The following CSF1R variants were observed in gnomAD, a reference collection of about 807,000 sequenced individuals.
CSF1R encodes the protein colony stimulating factor 1 receptor, also known as macrophage colony-stimulating factor 1 receptor.
In CSF1R, 40 loss-of-function variants were observed where a neutral mutation model predicts 110.0. That is an observed-to-expected ratio of 0.36 (90% CI 0.28 to 0.47). The LOEUF (loss-of-function observed/expected upper bound fraction) is 0.47, where lower values mean the gene tolerates loss of function less well. Ranked by LOEUF, CSF1R falls within the 20% of genes least tolerant of loss-of-function variation. The probability of loss-of-function intolerance (pLI) is 0.99; values close to 1 mark genes in which losing one functional copy is unlikely to be tolerated. For synonymous variants in CSF1R, 523 were observed against 503.4 expected, an observed-to-expected ratio of 1.04 and a Z score of -0.52; for missense variants, 1,052 against 1,253.0, an observed-to-expected ratio of 0.84 and a Z score of 2.42.
intron 3 of CSF1R, 121 bp downstream of exon 3, chr5:150,079,931 G>T: frequency 8.3e-7 from 1 of 1,210,162 alleles, no homozygotes. Context: ...GGGAAGAAGT[G>T]AAAGAAAGAG....
intron 9 of CSF1R, among the ~76,000 whole-genome samples, chr5:150,068,652 CCTGGT>C (rs1757891468): frequency 6.6e-6 from 1 of 152,184 alleles, no homozygotes; most frequent in Non-Finnish European, 1.5e-5. Context: ...AGCGGCCTGG[CCTGGT>C]GCCCAGCCAT....
intron 2 of CSF1R, 23 bp downstream of exon 2, chr5:150,080,744 G>T (rs751205548): frequency 1.2e-5 from 20 of 1,613,618 alleles, no homozygotes; most frequent in Non-Finnish European, 1.5e-5. Flanking sequence ...CAGGCCTCTT[G>T]GGAGGAGGCT....
intron 1 of CSF1R, among the ~76,000 whole-genome samples, chr5:150,108,557 T>C (rs1184624339): frequency 3.3e-5 from 5 of 152,164 alleles, no homozygotes; most frequent in Non-Finnish European, 7.4e-5. Flanking sequence ...ATCACTATGC[T>C]TCAGGAAGAT....
chr5:150,054,281 G>A (rs376324737), intron 20 of CSF1R, 41 bp downstream of exon 20: 265 of 1,613,908 alleles, frequency 1.6e-4, no homozygotes, highest in East Asian at 1.0e-3. Context: ...CCAGCCCAAC[G>A]TGCTTTACCG....
rs1758518041 is a variant in CSF1R, at chr5:150,081,014, G to A, written c.60C>T (p.Ile20=). 1 of 1,613,826 alleles carries A rather than the reference G, an allele frequency of 6.2e-7. No individual in the cohort carries two copies. Among genetic ancestry groups the A allele is most frequent in the South Asian group, 1.1e-5 (1 of 91,078 alleles). ...CAGGGACACTGGGCTCTATCACTGGGATTCCCTGACCTGGTGGGAGAGAGG... is the reference window on the plus strand; with the variant it reads ...CAGGGACACTGGGCTCTATCACTGGAATTCCCTGACCTGGTGGGAGAGAGG... The part of the protein sequence containing the change: ...LVATAWHGQG[I]PVIEPSVPEL... The change falls in exon 2 of 21, where the codon ATC becomes ATT. Residue 20 remains isoleucine (I), a synonymous_variant. Transcript: ENST00000675795.
intron 10 of CSF1R, among the ~76,000 whole-genome samples, chr5:150,063,735 C>T (rs216140): frequency 0.63 from 95,396 of 151,808 alleles, 31,474 homozygotes; most frequent in Non-Finnish European, 0.72. Context: ...GGGTTGCCCA[C>T]AAGAAATGCT....
At chr5:150,057,141 AGCT>A in intron 16 of CSF1R, 143 bp downstream of exon 16, 2 of 666,860 alleles carry the variant, frequency 3.0e-6, no homozygotes, top group Non-Finnish European at 5.2e-6. Context: ...TCATCCTTGC[AGCT>A]GCTGCCCAAA....
At chr5:150,066,085 C>T (rs1757757919) in intron 10 of CSF1R, among the ~76,000 whole-genome samples, 1 of 152,150 alleles carries the variant, frequency 6.6e-6, no homozygotes, top group East Asian at 1.9e-4. Flanking sequence ...TGGGCTGGGC[C>T]AAACAACCGC....
At chr5:150,103,267 A>G (rs1759457403) in intron 1 of CSF1R, among the ~76,000 whole-genome samples, 1 of 152,202 alleles carries the variant, frequency 6.6e-6, no homozygotes, top group Admixed American at 6.5e-5. Flanking sequence ...GGTCACCTGC[A>G]TCCATCTGTT....
At chr5:150,059,169 C>T (rs1010901881) in intron 14 of CSF1R, among the ~76,000 whole-genome samples, 6 of 152,184 alleles carry the variant, frequency 3.9e-5, no homozygotes, top group Non-Finnish European at 5.9e-5. Flanking sequence ...CTCAGCCTCC[C>T]GAGTAGCTGG....
intron 1 of CSF1R, among the ~76,000 whole-genome samples, chr5:150,099,990 T>A (rs919267273): frequency 6.6e-6 from 1 of 152,138 alleles, no homozygotes; most frequent in Non-Finnish European, 1.5e-5. Context: ...AGAAATATTA[T>A]AAAGATAGTT....
At chr5:150,054,913 C>T (rs1757130267) in intron 19 of CSF1R, 1 of 290,670 alleles carries the variant, frequency 3.4e-6, no homozygotes. Context: ...TTGCTTGAGC[C>T]CTGAAGATTG....
rs216138 is a variant in CSF1R at position 150,057,627 on chromosome 5, C to G, written c.2133-35G>C. 1,185,339 of 1,549,678 alleles carry G rather than the reference C, an allele frequency of 0.76. 455,163 individuals are homozygous for G. Among genetic ancestry groups the G allele is most frequent in the African/African-American group, 0.95 (70,171 of 73,894 alleles). ...AGAGAGGGTTGGGGGGCAGAGGTCA[C>G]TCATCATCACTGCACTGCTCAGCTC... On this transcript the variant is annotated intron_variant, in intron 14 of 20. Transcript: ENST00000675795.
At chr5:150,056,931 C>T (rs1420677435) in intron 16 of CSF1R, among the ~76,000 whole-genome samples, 22 of 152,184 alleles carry the variant, frequency 1.4e-4, no homozygotes, top group Non-Finnish European at 1.9e-4. Flanking sequence ...TATACGTTAT[C>T]TAATATCCCC....
chr5:150,089,397 G>A (rs1019644291), upstream of CSF1R, among the ~76,000 whole-genome samples: 11 of 152,016 alleles, frequency 7.2e-5, no homozygotes, highest in African/African-American at 1.9e-4. Context: ...ATCAACATAC[G>A]TAACTCTATA....
At chr5:150,061,421 A>T in intron 12 of CSF1R, 70 bp downstream of exon 12, 1 of 1,292,154 alleles carries the variant, frequency 7.7e-7, no homozygotes, top group Non-Finnish European at 1.1e-6. Context: ...GCCTCTTGTG[A>T]CACCAGGGCC....
At chr5:150,094,192 T>A (rs927944047) in intron 1 of CSF1R, 1 of 631,442 alleles carries the variant, frequency 1.6e-6, no homozygotes. Flanking sequence ...CCAGGCATAA[T>A]GAGGGACATT....
At chr5:150,083,416 G>A (rs189216821) in intron 1 of CSF1R, among the ~76,000 whole-genome samples, 4 of 141,640 alleles carry the variant, frequency 2.8e-5, no homozygotes, top group Non-Finnish European at 6.1e-5. Flanking sequence ...CACTAAGGCT[G>A]GACACAGCCC....
intron 19 of CSF1R, 139 bp from the exon 20 acceptor site, chr5:150,054,569 C>G (rs937736789): frequency 3.1e-6 from 2 of 640,270 alleles, no homozygotes; most frequent in Admixed American, 3.2e-5. Context: ...TATGCCAAGT[C>G]CTTGGCATGC....
Sources: gnomAD v4.1 joint callset for allele counts (sites outside exome capture counted in the v4.1 genomes callset) on GRCh38, gnomAD v4.1.1 for gene constraint, MANE v1.5 for transcripts, NCBI Gene and HGNC (gene_info 2026-07-23, HGNC 2026-07-21) for gene names.